The following HYCC1 variants were observed in gnomAD, a reference collection of about 807,000 sequenced individuals.
HYCC1 encodes hyccin.
At chr7:22,902,962 A>G in the HYCC1 span, among the ~76,000 whole-genome samples, 7 of 152,148 alleles carry the variant, frequency 4.6e-5, no homozygotes, top group East Asian at 5.8e-4. Flanking sequence ...TAAGCACATA[A>G]AAAGGTATTC....
chr7:22,917,123 T>C, the HYCC1 span, among the ~76,000 whole-genome samples: 1 of 152,204 alleles, frequency 6.6e-6, no homozygotes, highest in Non-Finnish European at 1.5e-5. Flanking sequence ...AAAAAGCAGC[T>C]AGCATTCCAA....
the HYCC1 span, among the ~76,000 whole-genome samples, chr7:23,013,635 G>T: frequency 1.4e-3 from 215 of 152,190 alleles, no homozygotes; most frequent in African/African-American, 4.9e-3. Flanking sequence ...CGAGTCGCGC[G>T]CACAAAGCTG....
chr7:22,987,926 T>C, the HYCC1 span, among the ~76,000 whole-genome samples: 1 of 152,156 alleles, frequency 6.6e-6, no homozygotes, highest in African/African-American at 2.4e-5. Context: ...GAAATATGTA[T>C]GTAACCAAAA....
chr7:22,925,125 A>T, the HYCC1 span, among the ~76,000 whole-genome samples: 1 of 152,212 alleles, frequency 6.6e-6, no homozygotes, highest in Non-Finnish European at 1.5e-5. Context: ...GAGGGTCCTG[A>T]CTGTTAGAAG....
chr7:23,012,281 C>T, the HYCC1 span, among the ~76,000 whole-genome samples: 1 of 152,020 alleles, frequency 6.6e-6, no homozygotes, highest in Non-Finnish European at 1.5e-5. Flanking sequence ...TCAAAGACAC[C>T]AGTCTAAAAA....
chr7:22,987,490 G>C, the HYCC1 span, among the ~76,000 whole-genome samples: 1 of 152,228 alleles, frequency 6.6e-6, no homozygotes, highest in Non-Finnish European at 1.5e-5. Flanking sequence ...GGAGGTTGCA[G>C]TGAGCCAAGA....
the HYCC1 span, among the ~76,000 whole-genome samples, chr7:22,969,851 A>G: frequency 6.6e-6 from 1 of 152,228 alleles, no homozygotes; most frequent in African/African-American, 2.4e-5. Context: ...TTTGATGTAG[A>G]TATCAGTTGG....
At chr7:22,961,244 C>T in the HYCC1 span, 10 of 1,603,706 alleles carry the variant, frequency 6.2e-6, no homozygotes, top group Non-Finnish European at 8.5e-6. Context: ...CCAGCAATGG[C>T]TCTGGATATA....
the HYCC1 span, among the ~76,000 whole-genome samples, chr7:22,904,385 C>T: frequency 2.0e-3 from 292 of 149,660 alleles, 1 homozygote; most frequent in Non-Finnish European, 3.7e-3. Context: ...GAGCTGAGAT[C>T]GTGCCACTGC....
chr7:22,984,749 G>A, the HYCC1 span, among the ~76,000 whole-genome samples: 14 of 151,608 alleles, frequency 9.2e-5, no homozygotes, highest in South Asian at 6.2e-4. Flanking sequence ...ATACTCTGAC[G>A]GTTGAGCATG....
the HYCC1 span, chr7:22,984,115 A>G: frequency 2.2e-6 from 2 of 895,182 alleles, no homozygotes; most frequent in Non-Finnish European, 3.6e-6. Context: ...ATAGATGCAG[A>G]AAGTAAATTA....
chr7:22,971,213 G>A, the HYCC1 span, among the ~76,000 whole-genome samples: 1 of 150,538 alleles, frequency 6.6e-6, no homozygotes, highest in Non-Finnish European at 1.5e-5. Flanking sequence ...ATTTATTCAT[G>A]ATAGACCAGA....
chr7:22,976,406 G>T, the HYCC1 span: 1 of 828,250 alleles, frequency 1.2e-6, no homozygotes, highest in Admixed American at 2.0e-5. Flanking sequence ...CAATGTTACA[G>T]AACAGACCTG....
At chr7:22,993,264 T>C in the HYCC1 span, among the ~76,000 whole-genome samples, 1 of 152,172 alleles carries the variant, frequency 6.6e-6, no homozygotes, top group Admixed American at 6.5e-5. Flanking sequence ...ACCACAGATC[T>C]AATTGTGAAC....
At chr7:22,992,076 G>C in the HYCC1 span, among the ~76,000 whole-genome samples, 1 of 151,834 alleles carries the variant, frequency 6.6e-6, no homozygotes, top group Non-Finnish European at 1.5e-5. Flanking sequence ...ATTTTAAAAT[G>C]CAAATAAAAG....
At chr7:22,972,402 G>A in the HYCC1 span, among the ~76,000 whole-genome samples, 1 of 152,138 alleles carries the variant, frequency 6.6e-6, no homozygotes, top group Non-Finnish European at 1.5e-5. Flanking sequence ...ATCCAGGTTC[G>A]TCAGTTAGAT....
chr7:22,930,145 G>T, the HYCC1 span, among the ~76,000 whole-genome samples: 1 of 130,242 alleles, frequency 7.7e-6, no homozygotes, highest in Non-Finnish European at 1.5e-5. Context: ...TGAACAAAGA[G>T]AACACATGGA....
At chr7:22,980,408 T>A in the HYCC1 span, among the ~76,000 whole-genome samples, 1 of 152,124 alleles carries the variant, frequency 6.6e-6, no homozygotes, top group Non-Finnish European at 1.5e-5. Flanking sequence ...CTAGTCACCA[T>A]GTGTCATCTC....
At chr7:22,950,628 CTT>C in the HYCC1 span, among the ~76,000 whole-genome samples, 1 of 151,888 alleles carries the variant, frequency 6.6e-6, no homozygotes, top group Non-Finnish European at 1.5e-5. Flanking sequence ...AGCAAAGCCT[CTT>C]TGTTTTGGAA....
Sources: allele counts gnomAD v4.1 joint callset (sites outside exome capture counted in the v4.1 genomes callset), GRCh38; gene constraint gnomAD v4.1.1; transcripts MANE v1.5; gene names NCBI Gene and HGNC (gene_info 2026-07-23, HGNC 2026-07-21).